The following SLC24A2 variants were observed in gnomAD, a reference collection of about 807,000 sequenced individuals.
SLC24A2 encodes the protein solute carrier family 24 member 2.
Under a neutral mutation model 62.0 loss-of-function variants are expected in SLC24A2, and 36 were observed. That is an observed-to-expected ratio of 0.58 (90% CI 0.44 to 0.77). The LOEUF (loss-of-function observed/expected upper bound fraction) is 0.77, where lower values mean the gene tolerates loss of function less well. Ranked by LOEUF, SLC24A2 falls within the 30% of genes least tolerant of loss-of-function variation. SLC24A2 has a pLI of 0.00. For synonymous variants in SLC24A2, 358 were observed against 294.0 expected, an observed-to-expected ratio of 1.22 and a Z score of -2.23; for missense variants, 846 against 817.9, an observed-to-expected ratio of 1.03 and a Z score of -0.42.
intron 2 of SLC24A2, among the ~76,000 whole-genome samples, chr9:19,703,287 A>T (rs551745766): frequency 6.6e-5 from 10 of 152,168 alleles, no homozygotes; most frequent in Non-Finnish European, 1.5e-4. Flanking sequence ...TACATGACTT[A>T]TTTCTTCAAT....
the SLC24A2 span, among the ~76,000 whole-genome samples, chr9:20,230,317 C>A: frequency 1.3e-5 from 2 of 152,158 alleles, no homozygotes; most frequent in East Asian, 3.9e-4. Flanking sequence ...ACACTGATTT[C>A]CACAATGGTT....
chr9:20,034,499 G>A, the SLC24A2 span, among the ~76,000 whole-genome samples: 2 of 114,370 alleles, frequency 1.7e-5, no homozygotes, highest in Non-Finnish European at 3.2e-5. Flanking sequence ...TCTCTCTGTC[G>A]CCCAGGCTGG....
At chr9:19,882,739 T>C in the SLC24A2 span, among the ~76,000 whole-genome samples, 2 of 151,030 alleles carry the variant, frequency 1.3e-5, no homozygotes, top group Admixed American at 1.3e-4. Context: ...TAAAGATATA[T>C]AAAACTCACC....
chr9:20,294,078 A>G, the SLC24A2 span, among the ~76,000 whole-genome samples: 18 of 151,808 alleles, frequency 1.2e-4, no homozygotes, highest in Non-Finnish European at 2.2e-4. Flanking sequence ...CTCCTAGACC[A>G]TCATCTTCTT....
chr9:20,266,837 G>A, the SLC24A2 span, among the ~76,000 whole-genome samples: 1 of 152,042 alleles, frequency 6.6e-6, no homozygotes, highest in African/African-American at 2.4e-5. Flanking sequence ...CAATACTTTG[G>A]GAGGCTGAGG....
chr9:20,031,742 G>A, the SLC24A2 span, among the ~76,000 whole-genome samples: 1 of 152,048 alleles, frequency 6.6e-6, no homozygotes, highest in Admixed American at 6.5e-5. Context: ...CAGGCTGCTG[G>A]TCAGCCCCAA....
chr9:20,193,179 A>T, the SLC24A2 span, among the ~76,000 whole-genome samples: 1 of 152,168 alleles, frequency 6.6e-6, no homozygotes, highest in African/African-American at 2.4e-5. Flanking sequence ...AATCATCTAC[A>T]TTCAAAATAT....
chr9:20,010,917 T>G, the SLC24A2 span, among the ~76,000 whole-genome samples: 2 of 152,046 alleles, frequency 1.3e-5, no homozygotes, highest in Non-Finnish European at 2.9e-5. Flanking sequence ...GCTTCATCCA[T>G]GTCCCTACAA....
intron 2 of SLC24A2, among the ~76,000 whole-genome samples, chr9:19,629,225 T>G (rs1818112887): frequency 6.6e-6 from 1 of 152,094 alleles, no homozygotes; most frequent in African/African-American, 2.4e-5. Flanking sequence ...CCTTCCTAAG[T>G]GCTGGGGAAA....
chr9:19,992,616 A>G, the SLC24A2 span, among the ~76,000 whole-genome samples: 19 of 152,344 alleles, frequency 1.2e-4, no homozygotes, highest in African/African-American at 4.1e-4. Flanking sequence ...AATCTGGGGA[A>G]TCTTGGACTT....
chr9:19,731,169 G>T (rs182593679), intron 2 of SLC24A2, among the ~76,000 whole-genome samples: 3 of 152,202 alleles, frequency 2.0e-5, no homozygotes, highest in African/African-American at 7.2e-5. Context: ...TTAGAAGGTG[G>T]TCTAGCTGGT....
At chr9:19,520,658 C>T (rs1023361690) in intron 10 of SLC24A2, among the ~76,000 whole-genome samples, 11 of 151,824 alleles carry the variant, frequency 7.2e-5, no homozygotes, top group African/African-American at 2.7e-4. Flanking sequence ...AATACCCATT[C>T]TGTATGTAGG....
intron 2 of SLC24A2, among the ~76,000 whole-genome samples, chr9:19,710,051 T>C (rs1820668185): frequency 6.6e-6 from 1 of 152,124 alleles, no homozygotes; most frequent in Non-Finnish European, 1.5e-5. Context: ...ACTCACCAGA[T>C]TTCCTCCTCC....
the SLC24A2 span, among the ~76,000 whole-genome samples, chr9:20,043,360 C>G: frequency 6.6e-6 from 1 of 152,148 alleles, no homozygotes; most frequent in Admixed American, 6.5e-5. Context: ...ATGTGTCAAG[C>G]AGTAATTTTG....
At chr9:19,536,132 GCT>G (rs972378769) in intron 8 of SLC24A2, among the ~76,000 whole-genome samples, 1 of 146,832 alleles carries the variant, frequency 6.8e-6, no homozygotes, top group Non-Finnish European at 1.5e-5. Context: ...TCATGATTTG[GCT>G]CTCTGTTTGT....
At chr9:19,764,133 G>T (rs1001823239) in intron 2 of SLC24A2, among the ~76,000 whole-genome samples, 1 of 152,138 alleles carries the variant, frequency 6.6e-6, no homozygotes, top group Non-Finnish European at 1.5e-5. Flanking sequence ...ATGGTAGTTT[G>T]TATTTCTGTG....
the SLC24A2 span, among the ~76,000 whole-genome samples, chr9:19,851,020 TA>T: frequency 2.5e-4 from 18 of 71,144 alleles, 2 homozygotes; most frequent in Admixed American, 4.9e-4. Context: ...TATATATATA[TA>T]TACATATTTT....
At chr9:20,070,568 G>A in the SLC24A2 span, among the ~76,000 whole-genome samples, 1 of 152,184 alleles carries the variant, frequency 6.6e-6, no homozygotes, top group Non-Finnish European at 1.5e-5. Context: ...CAGCATTCCT[G>A]CTAACTGCTA....
At chr9:19,699,640 A>G (rs1820298539) in intron 2 of SLC24A2, among the ~76,000 whole-genome samples, 1 of 152,194 alleles carries the variant, frequency 6.6e-6, no homozygotes, top group African/African-American at 2.4e-5. Context: ...CTAAAAATAC[A>G]GTATGGATGC....
Sources: allele counts gnomAD v4.1 joint callset (sites outside exome capture counted in the v4.1 genomes callset), GRCh38; gene constraint gnomAD v4.1.1; transcripts MANE v1.5; gene names NCBI Gene and HGNC (gene_info 2026-07-23, HGNC 2026-07-21).